Variants in PLAA observed in about 807,000 individuals in gnomAD.
The protein encoded by PLAA is phospholipase A2 activating protein.
In PLAA, 48 loss-of-function variants were observed where a neutral mutation model predicts 84.1. That is an observed-to-expected ratio of 0.57 (90% CI 0.45 to 0.73). The LOEUF (loss-of-function observed/expected upper bound fraction) is 0.73. Among genes scored for constraint, PLAA ranks in the 30% least tolerant of loss-of-function variants. The pLI is 0.00. For missense variants in PLAA, 903 were observed against 954.7 expected, an observed-to-expected ratio of 0.95 and a Z score of 0.71; for synonymous variants, 392 against 336.6, an observed-to-expected ratio of 1.16 and a Z score of -1.80.
At chr9:26,916,803 T>A (rs1824578122) in intron 10 of PLAA, 1 of 413,400 alleles carries the variant, frequency 2.4e-6, no homozygotes, top group Non-Finnish European at 3.4e-6. Context: ...GAACCAAGGT[T>A]TGTCTGACTC....
intron 12 of PLAA, among the ~76,000 whole-genome samples, chr9:26,908,756 G>A (rs1031514208): frequency 6.6e-6 from 1 of 152,128 alleles, no homozygotes; most frequent in Non-Finnish European, 1.5e-5. Flanking sequence ...TTACAGGCAT[G>A]AGCCACCACG....
At chr9:26,927,127 C>CTTTTTTTTTTTTTT (rs10672584) in intron 4 of PLAA, among the ~76,000 whole-genome samples, 8 of 136,780 alleles carry the variant, frequency 5.8e-5, no homozygotes, top group East Asian at 4.7e-4. Flanking sequence ...TTTTGTTTTT[C>CTTTTTTTTTTTTTT]TTTTTTTTTT....
intron 2 of PLAA, 58 bp from the exon 3 acceptor site, chr9:26,928,466 A>G: frequency 8.7e-7 from 1 of 1,144,510 alleles, no homozygotes; most frequent in Non-Finnish European, 1.3e-6. Flanking sequence ...CTCAACATTG[A>G]AAGTTACTAA....
Position 26,936,096 on chromosome 9 carries a change from T to C in PLAA, c.150-890A>G, listed in dbSNP as rs10217792. Among the ~76,000 whole-genome samples, 1,405 of 152,198 alleles carry C rather than the reference T, an allele frequency of 9.2e-3. 16 individuals are homozygous for C. Among genetic ancestry groups the C allele is most frequent in the African/African-American group, 0.031 (1,307 of 41,514 alleles). On this transcript the variant is annotated intron_variant, in intron 1 of 13. Transcript: ENST00000397292. ...CTAAATCAAAGAGTTTGCAGTCTAGTTGAAGAAGATAAGTGTACATAAAGA... is the reference window on the plus strand; with the variant it reads ...CTAAATCAAAGAGTTTGCAGTCTAGCTGAAGAAGATAAGTGTACATAAAGA...
In PLAA at chr9:26,925,809, A is replaced by T. The variant is rs566459503; in HGVS notation, c.869+16T>A. The T allele has an allele frequency of 2.6e-5, 42 of 1,611,918 alleles. No individual in the cohort carries two copies. The Middle Eastern group carries it at 6.6e-4, about 25-fold the overall frequency. On this transcript the variant is annotated intron_variant, in intron 6 of 13. Coordinates refer to ENST00000397292, the MANE Select transcript of PLAA (RefSeq NM_001031689.3). ...CTAGACATATAACATTTAATGATTG[A>T]CTAGAATATAAATACCTCGCACCAA... is the stretch of plus-strand genomic sequence containing the variant.
intron 7 of PLAA, among the ~76,000 whole-genome samples, chr9:26,921,913 T>C (rs1027450519): frequency 2.0e-5 from 3 of 152,230 alleles, no homozygotes; most frequent in Non-Finnish European, 4.4e-5. Flanking sequence ...ACATTTCAAT[T>C]TTCACTCAAA....
chr9:26,916,755 C>A, intron 10 of PLAA: 1 of 871,158 alleles, frequency 1.1e-6, no homozygotes, highest in Non-Finnish European at 1.4e-6. Flanking sequence ...GGTAACTTGC[C>A]AACTTCTCAT....
At chr9:26,909,724 A>G (rs1824341691) in intron 12 of PLAA, among the ~76,000 whole-genome samples, 1 of 151,924 alleles carries the variant, frequency 6.6e-6, no homozygotes. Flanking sequence ...CCCAGGTTCA[A>G]GTGATTCTCG....
chr9:26,929,487 A>C (rs763499067), intron 2 of PLAA, among the ~76,000 whole-genome samples: 2 of 152,130 alleles, frequency 1.3e-5, no homozygotes, highest in Non-Finnish European at 2.9e-5. Flanking sequence ...AGATAAAAGA[A>C]AAAAAAAGAA....
intron 10 of PLAA, chr9:26,916,526 T>A (rs1446149894): frequency 1.0e-6 from 1 of 985,910 alleles, no homozygotes; most frequent in African/African-American, 1.8e-5. Flanking sequence ...AGACTACTCC[T>A]GGGTAGTTGG....
chr9:26,926,289 A>T, intron 5 of PLAA, 104 bp downstream of exon 5: 1 of 735,472 alleles, frequency 1.4e-6, no homozygotes. Context: ...TATTCAAGTC[A>T]TAGATAGTAA....
intron 10 of PLAA, 67 bp from the exon 11 acceptor site, chr9:26,914,014 C>T (rs1390541603): frequency 1.6e-5 from 18 of 1,105,562 alleles, no homozygotes; most frequent in East Asian, 7.1e-5. Flanking sequence ...ACTGCTCCTT[C>T]GCTTATTTCC....
chr9:26,940,218 T>C (rs1337014660), intron 1 of PLAA, among the ~76,000 whole-genome samples: 1 of 152,252 alleles, frequency 6.6e-6, no homozygotes, highest in Non-Finnish European at 1.5e-5. Flanking sequence ...ATATTCATAG[T>C]AGCATTATTC....
At chr9:26,945,651 T>C (rs1254577584) in intron 1 of PLAA, among the ~76,000 whole-genome samples, 1 of 152,186 alleles carries the variant, frequency 6.6e-6, no homozygotes, top group Non-Finnish European at 1.5e-5. Flanking sequence ...AATCAGATCA[T>C]GTTGCTCCCT....
rs373998160 is a variant in PLAA at position 26,928,400 on chromosome 9, G to C, written c.352C>G (p.Leu118Val). 6.2e-7 allele frequency: 1 copy of C among 1,601,626 alleles called. No individual in the cohort carries two copies. The highest frequency in any genetic ancestry group is 8.6e-7 in the Non-Finnish European group (1 of 1,168,668). The part of the protein sequence containing the change: ...LKGHKNTVCS[L>V]SSGKFGTLLS... ...AATGTCCCAAATTTTCCAGATGATA[G>C]ACTACAAACTAAGGAAAAAACATCA... The change falls in exon 3 of 14, where the codon CTA (leucine) becomes GTA (valine). Residue 118 changes from leucine to valine, a missense_variant. By Grantham distance (32) the Leu-to-Val change is conservative. Transcript: ENST00000397292.
rs1824288396 is a variant in PLAA at position 26,907,994 on chromosome 9, T to C, written c.1662A>G (p.Lys554=). Reference sequence around the variant, plus strand: ...GTGCAGTTCCATTAAGTTCCTTCAGTTTACCTAGAACCCAAAACCAAACTT... The same window carrying C: ...GTGCAGTTCCATTAAGTTCCTTCAGCTTACCTAGAACCCAAAACCAAACTT... ...DQANPTQILG[K]LKELNGTAPE... The change falls in exon 13 of 14, where the codon AAA becomes AAG. Residue 554 remains lysine, a synonymous_variant. Transcript: ENST00000397292. 1 of 1,580,394 alleles carries C rather than the reference T, an allele frequency of 6.3e-7. No individual in the cohort carries two copies. Among genetic ancestry groups the C allele is most frequent in the African/African-American group, 1.4e-5 (1 of 72,520 alleles).
intron 9 of PLAA, 68 bp from the exon 10 acceptor site, chr9:26,917,233 C>T: frequency 1.6e-6 from 2 of 1,252,942 alleles, no homozygotes; most frequent in Non-Finnish European, 2.3e-6. Flanking sequence ...CAGCACAATG[C>T]TTGTTTTAGA....
rs896025553 is a variant in PLAA, at chr9:26,946,805, G to A, written c.149+92C>T. On this transcript the variant is annotated intron_variant, in intron 1 of 13. Coordinates refer to ENST00000397292, the MANE Select transcript of PLAA (RefSeq NM_001031689.3). ...GCAGAGGGAAGGCTGGGGGGAGAGAGAGACGGCAGGACTGACAGGGAAGGG... is the reference window on the plus strand; with the variant it reads ...GCAGAGGGAAGGCTGGGGGGAGAGAAAGACGGCAGGACTGACAGGGAAGGG... The A allele has an allele frequency of 1.4e-5, 20 of 1,379,366 alleles. No individual in the cohort carries two copies. The Admixed American group carries it at 2.9e-4, about 20-fold the overall frequency. 85.4% of individuals were successfully genotyped at this position (1,379,366 alleles called of 1,614,324 possible).
chr9:26,914,331 A>G (rs1262740888), intron 10 of PLAA, among the ~76,000 whole-genome samples: 1 of 152,202 alleles, frequency 6.6e-6, no homozygotes, highest in Non-Finnish European at 1.5e-5. Context: ...TACTATGACA[A>G]CAGCCCAGTC....
Sources: allele counts gnomAD v4.1 joint callset (sites outside exome capture counted in the v4.1 genomes callset), GRCh38; gene constraint gnomAD v4.1.1; transcripts MANE v1.5; gene names NCBI Gene and HGNC (gene_info 2026-07-23, HGNC 2026-07-21).